The following CCNY variants were observed in gnomAD, a reference collection of about 807,000 sequenced individuals.
CCNY encodes the protein cyclin Y.
In CCNY, 19 loss-of-function variants were observed where a neutral mutation model predicts 42.8. The observed-to-expected ratio is 0.44, with a 90% CI of 0.31 to 0.65. CCNY has a LOEUF of 0.65. Ranked by LOEUF, CCNY falls within the 30% of genes least tolerant of loss-of-function variation. The pLI is 0.07. For missense variants in CCNY, 370 were observed against 437.3 expected (o/e 0.85, Z 1.37); for synonymous variants, 165 against 162.7 (o/e 1.01, Z -0.11).
chr10:35,565,513 C>T (rs755671230), intron 8 of CCNY, among the ~76,000 whole-genome samples: 2 of 152,170 alleles, frequency 1.3e-5, no homozygotes, highest in Non-Finnish European at 2.9e-5. Context: ...GGACACCCTC[C>T]CCCCATAATC....
intron 3 of CCNY, among the ~76,000 whole-genome samples, chr10:35,325,170 A>G (rs1337826300): frequency 1.3e-5 from 2 of 152,020 alleles, no homozygotes; most frequent in Non-Finnish European, 2.9e-5. Flanking sequence ...AATGACTCTT[A>G]TTTCCCTTTC....
intron 3 of CCNY, among the ~76,000 whole-genome samples, chr10:35,326,381 C>T (rs973622177): frequency 7.2e-5 from 11 of 152,124 alleles, no homozygotes; most frequent in Non-Finnish European, 1.5e-4. Flanking sequence ...GGCAATGAAA[C>T]GGCAGGGCGC....
intron 3 of CCNY, among the ~76,000 whole-genome samples, chr10:35,258,627 T>G (rs1385595249): frequency 6.6e-6 from 1 of 152,188 alleles, no homozygotes; most frequent in African/African-American, 2.4e-5. Context: ...CCCTGGCTCC[T>G]GCAAGTTGGT....
At chr10:35,489,161 T>C (rs1839847426) in intron 2 of CCNY, among the ~76,000 whole-genome samples, 1 of 152,212 alleles carries the variant, frequency 6.6e-6, no homozygotes, top group South Asian at 2.1e-4. Flanking sequence ...CCTGTAGTCT[T>C]ACATTTTACC....
chr10:35,426,235 TCAC>T (rs1838270061), intron 1 of CCNY, among the ~76,000 whole-genome samples: 1 of 140,836 alleles, frequency 7.1e-6, no homozygotes, highest in Non-Finnish European at 1.6e-5. Flanking sequence ...ACATGCCCAT[TCAC>T]ACACACACAC....
At chr10:35,364,473 T>C (rs1463236931) in intron 1 of CCNY, among the ~76,000 whole-genome samples, 1 of 152,260 alleles carries the variant, frequency 6.6e-6, no homozygotes, top group Non-Finnish European at 1.5e-5. Flanking sequence ...TAAATTAGTT[T>C]AAAATAATGT....
At chr10:35,496,866 T>C (rs1324506697) in intron 2 of CCNY, among the ~76,000 whole-genome samples, 1 of 152,196 alleles carries the variant, frequency 6.6e-6, no homozygotes. Flanking sequence ...GCAACTTAAG[T>C]GTAATTTTGT....
intron 7 of CCNY, among the ~76,000 whole-genome samples, chr10:35,545,333 G>T (rs1212966791): frequency 1.3e-5 from 2 of 152,216 alleles, no homozygotes; most frequent in Non-Finnish European, 2.9e-5. Flanking sequence ...TTCAACACCA[G>T]AACTTCATTG....
At chr10:35,443,493 A>G (rs2135299829) in intron 1 of CCNY, among the ~76,000 whole-genome samples, 1 of 152,296 alleles carries the variant, frequency 6.6e-6, no homozygotes, top group East Asian at 1.9e-4. Context: ...CCAGGCCTAC[A>G]CAGGGTCAGG....
intron 1 of CCNY, among the ~76,000 whole-genome samples, chr10:35,380,554 A>G (rs770802340): frequency 3.3e-5 from 5 of 152,258 alleles, no homozygotes; most frequent in Admixed American, 6.5e-5. Flanking sequence ...ATGAGTCTCT[A>G]TATTTCACCC....
chr10:35,332,771 A>AT (rs1564370991), upstream of CCNY, among the ~76,000 whole-genome samples: 1 of 151,972 alleles, frequency 6.6e-6, no homozygotes, highest in Non-Finnish European at 1.5e-5. Context: ...CGCCTGGCTA[A>AT]TTTTTTGTAT....
intron 1 of CCNY, among the ~76,000 whole-genome samples, chr10:35,383,312 CT>C (rs879306853): frequency 2.8e-3 from 398 of 143,226 alleles, no homozygotes; most frequent in Admixed American, 4.1e-3. Context: ...ATTTTCTTTT[CT>C]TTTTTTTTTT....
intron 3 of CCNY, among the ~76,000 whole-genome samples, chr10:35,310,399 G>C (rs1372174959): frequency 6.6e-6 from 1 of 152,106 alleles, no homozygotes; most frequent in Non-Finnish European, 1.5e-5. Context: ...GTACCTCTTT[G>C]ATATGCGTCT....
At chr10:35,247,680 T>C (rs371827935) in intron 1 of CCNY, among the ~76,000 whole-genome samples, 77 of 151,346 alleles carry the variant, frequency 5.1e-4, no homozygotes, top group Admixed American at 1.3e-3. Flanking sequence ...ATCGAGACCA[T>C]CCTGGCTAAC....
intron 7 of CCNY, among the ~76,000 whole-genome samples, chr10:35,543,036 C>T (rs1841036461): frequency 6.6e-6 from 1 of 152,164 alleles, no homozygotes; most frequent in Non-Finnish European, 1.5e-5. Context: ...TAAACAGATA[C>T]CTCAACTTGT....
At chr10:35,276,531 G>A (rs772233245) in intron 3 of CCNY, among the ~76,000 whole-genome samples, 2 of 152,098 alleles carry the variant, frequency 1.3e-5, no homozygotes, top group African/African-American at 2.4e-5. Flanking sequence ...GACAACAGGC[G>A]TGCATCACCA....
chr10:35,520,489 G>A (rs908916227), intron 4 of CCNY, among the ~76,000 whole-genome samples: 2 of 152,132 alleles, frequency 1.3e-5, no homozygotes, highest in African/African-American at 4.8e-5. Context: ...GTGGGCATAA[G>A]TGAGCATTTA....
intron 1 of CCNY, chr10:35,449,721 G>A (rs1304144433): frequency 3.4e-5 from 33 of 984,256 alleles, no homozygotes; most frequent in South Asian, 4.7e-5. Flanking sequence ...GGTCAGAGAG[G>A]TGCAGGGAGC....
chr10:35,467,465 A>G (rs1467963959), intron 1 of CCNY, among the ~76,000 whole-genome samples: 2 of 152,208 alleles, frequency 1.3e-5, no homozygotes, highest in Non-Finnish European at 2.9e-5. Context: ...GGTGAAGAGG[A>G]TGACATTGCT....
Sources: gnomAD v4.1 joint callset for allele counts (sites outside exome capture counted in the v4.1 genomes callset) on GRCh38, gnomAD v4.1.1 for gene constraint, MANE v1.5 for transcripts, NCBI Gene and HGNC (gene_info 2026-07-23, HGNC 2026-07-21) for gene names.